Variants in TRAPPC9 observed in about 807,000 individuals in gnomAD.
TRAPPC9 encodes trafficking protein particle complex subunit 9, also known as IKK2 binding protein.
A neutral mutation model predicts 124.0 loss-of-function variants in TRAPPC9; 83 were observed. That is an observed-to-expected ratio of 0.67 (90% CI 0.56 to 0.80). The LOEUF (loss-of-function observed/expected upper bound fraction) is 0.80. Among genes scored for constraint, TRAPPC9 ranks in the 30% least tolerant of loss-of-function variants. The pLI, the probability that TRAPPC9 is intolerant of heterozygous loss-of-function variation, is 0.00. For synonymous variants in TRAPPC9, 638 were observed against 617.5 expected, an observed-to-expected ratio of 1.03 and a Z score of -0.49; for missense variants, 1,302 against 1,508.3, an observed-to-expected ratio of 0.86 and a Z score of 2.27.
intron 17 of TRAPPC9, among the ~76,000 whole-genome samples, chr8:140,127,973 G>T (rs2061129219): frequency 6.6e-6 from 1 of 152,246 alleles, no homozygotes; most frequent in African/African-American, 2.4e-5. Flanking sequence ...GGTGGCTTTT[G>T]CAGGGTGAGT....
intron 21 of TRAPPC9, among the ~76,000 whole-genome samples, chr8:139,830,899 A>T (rs1825947256): frequency 6.6e-6 from 1 of 152,246 alleles, no homozygotes; most frequent in South Asian, 2.1e-4. Flanking sequence ...AGGGAGGCTG[A>T]ACTGTCAGGG....
At chr8:140,456,392 A>C (rs1421803115) in intron 1 of TRAPPC9, among the ~76,000 whole-genome samples, 2 of 149,758 alleles carry the variant, frequency 1.3e-5, no homozygotes, top group East Asian at 3.9e-4. Context: ...AGCCCAGGCG[A>C]CAGTGCGAGA....
intron 15 of TRAPPC9, among the ~76,000 whole-genome samples, chr8:140,273,429 C>G (rs1420548511): frequency 6.6e-6 from 1 of 152,194 alleles, no homozygotes; most frequent in East Asian, 1.9e-4. Flanking sequence ...TCCAGCTCGG[C>G]TTGGGCTGCT....
chr8:139,773,689 C>T (rs1295402942), intron 21 of TRAPPC9, among the ~76,000 whole-genome samples: 4 of 152,194 alleles, frequency 2.6e-5, no homozygotes, highest in Non-Finnish European at 5.9e-5. Context: ...CACCCGCTCA[C>T]TCCAGCCGGC....
intron 14 of TRAPPC9, among the ~76,000 whole-genome samples, chr8:140,283,201 G>A (rs1293291045): frequency 6.6e-6 from 1 of 150,972 alleles, no homozygotes; most frequent in African/African-American, 2.4e-5. Flanking sequence ...TCACAATACT[G>A]CACTCCAGCC....
chr8:140,239,584 G>A (rs1217376904), intron 16 of TRAPPC9, among the ~76,000 whole-genome samples: 1 of 152,152 alleles, frequency 6.6e-6, no homozygotes, highest in Non-Finnish European at 1.5e-5. Flanking sequence ...TGGCACGGAG[G>A]CCGCATCCAC....
chr8:140,106,838 G>C (rs1441676581), intron 17 of TRAPPC9, among the ~76,000 whole-genome samples: 2 of 152,170 alleles, frequency 1.3e-5, no homozygotes, highest in African/African-American at 4.8e-5. Context: ...CAGAAACACA[G>C]ATCCCTTTCC....
Position 140,390,661 on chromosome 8 carries a change from A to AT in TRAPPC9, c.1134+6958dup, listed in dbSNP as rs113881838. Among the ~76,000 whole-genome samples, 143 of 152,272 alleles carry AT rather than the reference A, an allele frequency of 9.4e-4. 2 individuals carry two copies. The highest frequency in any genetic ancestry group is 3.4e-3 in the African/African-American group (140 of 41,542). ...CATCAGAGGCCCACCTGGCTTGCTCATATCTCTGCAGCTTTGACTGCTCAC... is the reference window on the plus strand; with the variant it reads ...CATCAGAGGCCCACCTGGCTTGCTCATTATCTCTGCAGCTTTGACTGCTCAC... On this transcript the variant is annotated intron_variant, in intron 7 of 22. Coordinates refer to ENST00000438773, the MANE Select transcript of TRAPPC9 (RefSeq NM_001160372.4).
intron 19 of TRAPPC9, among the ~76,000 whole-genome samples, chr8:139,969,040 A>T (rs1177934887): frequency 6.6e-6 from 1 of 152,224 alleles, no homozygotes; most frequent in Non-Finnish European, 1.5e-5. Flanking sequence ...TGTGTGCAAG[A>T]TGTGTGAACA....
intron 17 of TRAPPC9, among the ~76,000 whole-genome samples, chr8:140,033,685 T>TTTTTTTTTTTTTTTGTTTTTTTTTTTG: frequency 8.5e-6 from 1 of 117,350 alleles, no homozygotes; most frequent in Non-Finnish European, 1.7e-5. Flanking sequence ...TTTTTTTTTT[T>TTTTTTTTTTTTTTTGTTTTTTTTTTTG]TTTTTTTTTT....
At chr8:140,101,109 T>G (rs1468223885) in intron 17 of TRAPPC9, among the ~76,000 whole-genome samples, 1 of 152,242 alleles carries the variant, frequency 6.6e-6, no homozygotes, top group African/African-American at 2.4e-5. Flanking sequence ...AAGCCATCTT[T>G]TGGCCAGGCA....
chr8:140,087,987 C>T lies in TRAPPC9; in HGVS notation c.2557-63908G>A, dbSNP rs1467255742. On this transcript the variant is annotated intron_variant, in intron 17 of 22. Coordinates refer to ENST00000438773, the MANE Select transcript of TRAPPC9 (RefSeq NM_001160372.4). This position sits in a 1 kb window ranked among gnomAD's most constrained non-coding sequence, Gnocchi z 4.6. ...ATTTCTGCTTGGAAGATGTGGCTTA[C>T]CAGAGCCCCTAGCTCTTTAGATGGC... is the stretch of plus-strand genomic sequence containing the variant. 6.6e-6 allele frequency among the ~76,000 whole-genome samples: 1 copy of T among 151,984 alleles called. No individual in the cohort carries two copies. Among genetic ancestry groups the T allele is most frequent in the Non-Finnish European group, 1.5e-5 (1 of 68,004 alleles).
intron 16 of TRAPPC9, among the ~76,000 whole-genome samples, chr8:140,227,393 C>A (rs1289530910): frequency 6.6e-6 from 1 of 152,004 alleles, no homozygotes; most frequent in Non-Finnish European, 1.5e-5. Flanking sequence ...ATGAAGGCGG[C>A]CTAGTAGGAG....
chr8:140,272,082 G>GCA (rs1417050188), intron 15 of TRAPPC9, among the ~76,000 whole-genome samples: 3 of 79,300 alleles, frequency 3.8e-5, no homozygotes, highest in Non-Finnish European at 7.6e-5. Flanking sequence ...GATGGTGGTG[G>GCA]TTGTGTTGAT....
chr8:139,809,071 T>C (rs1221208113), intron 21 of TRAPPC9, among the ~76,000 whole-genome samples: 2 of 152,254 alleles, frequency 1.3e-5, no homozygotes, highest in East Asian at 3.8e-4. Context: ...CAGAGTCTAC[T>C]GATTGTAATA....
chr8:140,011,294 A>G (rs938126434), intron 18 of TRAPPC9, among the ~76,000 whole-genome samples: 1 of 151,842 alleles, frequency 6.6e-6, no homozygotes, highest in Non-Finnish European at 1.5e-5. Context: ...GTGAGCCAAG[A>G]TTGTACCACT....
intron 20 of TRAPPC9, 102 bp downstream of exon 20, chr8:139,910,043 CTG>C: frequency 1.5e-6 from 2 of 1,346,694 alleles, no homozygotes; most frequent in Non-Finnish European, 2.1e-6. Context: ...TCTGAGCTAC[CTG>C]TGGTGAAAAT....
intron 21 of TRAPPC9, among the ~76,000 whole-genome samples, chr8:139,857,080 G>C (rs62528717): frequency 0.02 from 1,183 of 58,932 alleles, 6 homozygotes; most frequent in Middle Eastern, 0.029. Flanking sequence ...AGGTGAAAGA[G>C]CAGAAAGGTG....
At chr8:140,120,790 CAACATCCATCCATCCATTCATCCATCT>C (rs2060972421) in intron 17 of TRAPPC9, among the ~76,000 whole-genome samples, 2 of 151,298 alleles carry the variant, frequency 1.3e-5, no homozygotes, top group Non-Finnish European at 2.9e-5. Context: ...TTCATCCATC[CAACATCCATCCATCCATTCATCCATCT>C]AACATCCATC....
Sources: allele counts gnomAD v4.1 joint callset (sites outside exome capture counted in the v4.1 genomes callset), GRCh38; gene constraint gnomAD v4.1.1; non-coding constraint Gnocchi (gnomAD v3.1); transcripts MANE v1.5; gene names NCBI Gene and HGNC (gene_info 2026-07-23, HGNC 2026-07-21).